The following CDK8 variants were observed in gnomAD, a reference collection of about 807,000 sequenced individuals.
CDK8 encodes cyclin dependent kinase 8.
In CDK8, 29 loss-of-function variants were observed where a neutral mutation model predicts 71.5. The ratio of observed to expected loss-of-function variants is 0.41; its 90% CI spans 0.30 to 0.55. CDK8 has a LOEUF of 0.55. Ranked by LOEUF, CDK8 falls within the 20% of genes least tolerant of loss-of-function variation. CDK8 has a pLI of 0.37. For missense variants in CDK8, 288 were observed against 572.6 expected (o/e 0.50, Z 5.07); for synonymous variants, 161 against 192.1 (o/e 0.84, Z 1.34).
chr13:26,305,131 T>G (rs1465593460), intron 1 of CDK8, among the ~76,000 whole-genome samples: 1 of 152,244 alleles, frequency 6.6e-6, no homozygotes, highest in Non-Finnish European at 1.5e-5. Flanking sequence ...AGAACACCCT[T>G]TAGTGTTTTG....
chr13:26,261,174 A>G (rs1040531268), intron 1 of CDK8, among the ~76,000 whole-genome samples: 1 of 152,150 alleles, frequency 6.6e-6, no homozygotes, highest in Non-Finnish European at 1.5e-5. Flanking sequence ...ATGATTCTGA[A>G]TATTCTTTAA....
chr13:26,340,068 T>G (rs975749882), intron 2 of CDK8, among the ~76,000 whole-genome samples: 5 of 152,028 alleles, frequency 3.3e-5, no homozygotes, highest in Admixed American at 2.6e-4. Flanking sequence ...ATTAATCAAG[T>G]TTAGGAAGTT....
chr13:26,336,843 C>T lies in CDK8; in HGVS notation c.129-724C>T, dbSNP rs928448342. Among the ~76,000 whole-genome samples the T allele has an allele frequency of 4.6e-5, 7 of 152,008 alleles. No individual in the cohort carries two copies. The East Asian group carries it at 7.7e-4, about 17-fold the overall frequency. On this transcript the variant is annotated intron_variant, in intron 1 of 12. Transcript: ENST00000381527. The stretch of plus-strand genomic sequence containing the variant: ...TGCTGGGATTACAGGCGTGAGCCAC[C>T]GCGCCCGGCCTCTGAGGAGTCTTTG...
chr13:26,308,982 A>G (rs1400140103), intron 1 of CDK8, among the ~76,000 whole-genome samples: 1 of 152,230 alleles, frequency 6.6e-6, no homozygotes, highest in African/African-American at 2.4e-5. Flanking sequence ...TTGTTAAACT[A>G]TAAAGTGGGG....
chr13:26,353,850 G>T lies in CDK8; in HGVS notation c.426G>T (p.Leu142=), dbSNP rs756448805. Residue 142 remains leucine, a synonymous_variant, in exon 4 of 13, where the codon CTG becomes CTT. Transcript: ENST00000381527. ...AGATCCTAGATGGTATTCACTACCT[G>T]CATGCTAACTGGGTGTTGCACAGAG... ...LYQILDGIHY[L]HANWVLHRDL... is the part of the protein sequence containing the mutation. 6.2e-7 allele frequency: 1 copy of T among 1,613,354 alleles called. No individual in the cohort carries two copies. Among genetic ancestry groups the T allele is most frequent in the Non-Finnish European group, 8.5e-7 (1 of 1,179,414 alleles).
intron 9 of CDK8, among the ~76,000 whole-genome samples, chr13:26,397,784 A>T (rs551000883): frequency 2.2e-4 from 33 of 152,146 alleles, no homozygotes; most frequent in African/African-American, 7.7e-4. Flanking sequence ...TCCGTGCACT[A>T]ACAAGGTAAT....
intron 1 of CDK8, among the ~76,000 whole-genome samples, chr13:26,313,235 T>C (rs187204246): frequency 1.9e-3 from 296 of 152,254 alleles, no homozygotes; most frequent in African/African-American, 6.8e-3. Context: ...ACTTAGCACA[T>C]TATAGATGTG....
intron 3 of CDK8, among the ~76,000 whole-genome samples, chr13:26,350,361 G>C (rs1259151311): frequency 1.3e-5 from 2 of 152,166 alleles, no homozygotes; most frequent in Non-Finnish European, 2.9e-5. Flanking sequence ...TAGGCCAAGT[G>C]TAGTGGGTCA....
intron 1 of CDK8, among the ~76,000 whole-genome samples, chr13:26,314,147 C>T (rs1210227618): frequency 6.6e-6 from 1 of 152,168 alleles, no homozygotes; most frequent in South Asian, 2.1e-4. Flanking sequence ...TCTATCATGC[C>T]GTGGATGGCC....
At chr13:26,334,155 A>G (rs1872880877) in intron 1 of CDK8, among the ~76,000 whole-genome samples, 1 of 152,174 alleles carries the variant, frequency 6.6e-6, no homozygotes. Flanking sequence ...GACTGATTGA[A>G]TATTAGAATT....
chr13:26,275,873 CT>C (rs376193926), intron 1 of CDK8, among the ~76,000 whole-genome samples: 51 of 149,732 alleles, frequency 3.4e-4, no homozygotes, highest in African/African-American at 1.0e-3. Context: ...TTGGCTCTAA[CT>C]TTTTTTTTTG....
chr13:26,318,656 A>G (rs899851782), intron 1 of CDK8, among the ~76,000 whole-genome samples: 5 of 152,242 alleles, frequency 3.3e-5, no homozygotes, highest in African/African-American at 1.2e-4. Flanking sequence ...GTGGTTCAAC[A>G]TGTGAAAATA....
At chr13:26,378,240 A>G (rs553818744) in intron 4 of CDK8, among the ~76,000 whole-genome samples, 2 of 152,280 alleles carry the variant, frequency 1.3e-5, no homozygotes, top group South Asian at 4.2e-4. Context: ...AGCTTTTTGA[A>G]TTCTTTATTT....
In CDK8 at chr13:26,273,666, T is replaced by A. The variant is rs564980251; in HGVS notation, c.128+18897T>A. Among the ~76,000 whole-genome samples the A allele has an allele frequency of 3.8e-3, 577 of 150,798 alleles. 2 individuals carry two copies. Among genetic ancestry groups the A allele is most frequent in the African/African-American group, 7.6e-3 (316 of 41,334 alleles). On this transcript the variant is annotated intron_variant, in intron 1 of 12. Coordinates refer to ENST00000381527, the MANE Select transcript of CDK8 (RefSeq NM_001260.3). ...TGTTATTTCCAGGTGCTTTAAAAAA[T>A]ATATATATATATAGTACTATTGGCT...
At position 26,385,266 on chromosome 13, in the gene CDK8, G is replaced by A. The variant is rs2138050309; in HGVS notation, c.570G>A (p.Leu190=). The A allele has an allele frequency of 6.2e-7, 1 of 1,612,882 alleles. No individual in the cohort carries two copies. The highest frequency in any genetic ancestry group is 8.5e-7 in the Non-Finnish European group (1 of 1,179,102). The part of the protein sequence containing the change: ...FNSPLKPLAD[L]DPVVVTFWYR... The stretch of plus-strand genomic sequence containing the variant: ...CACCTTTGAAGCCTTTAGCAGATTT[G>A]GATCCAGTGGTTGTTACATTCTGGT... The change falls in exon 6 of 13, where the codon TTG becomes TTA. Residue 190 remains leucine (L), a synonymous_variant. Transcript: ENST00000381527.
At chr13:26,319,500 A>G (rs894202218) in intron 1 of CDK8, among the ~76,000 whole-genome samples, 1 of 151,968 alleles carries the variant, frequency 6.6e-6, no homozygotes, top group Non-Finnish European at 1.5e-5. Context: ...ATACTTAGGA[A>G]TTAACCAAGA....
chr13:26,300,844 T>TG (rs1490827719), intron 1 of CDK8, among the ~76,000 whole-genome samples: 1 of 152,202 alleles, frequency 6.6e-6, no homozygotes, highest in Non-Finnish European at 1.5e-5. Context: ...CACAGGTTTG[T>TG]AAGTGTGAAA....
intron 1 of CDK8, among the ~76,000 whole-genome samples, chr13:26,319,313 C>CA (rs1337611859): frequency 2.6e-5 from 4 of 151,666 alleles, no homozygotes; most frequent in Admixed American, 6.6e-5. Context: ...ACTAAAAATA[C>CA]AAAAAAACAG....
chr13:26,336,982 A>T (rs541360566), intron 1 of CDK8, among the ~76,000 whole-genome samples: 71 of 151,492 alleles, frequency 4.7e-4, no homozygotes, highest in Non-Finnish European at 8.8e-4. Flanking sequence ...GCCGGTAGAC[A>T]CAGAAAACTC....
Sources: allele counts gnomAD v4.1 joint callset (sites outside exome capture counted in the v4.1 genomes callset), GRCh38; gene constraint gnomAD v4.1.1; transcripts MANE v1.5; gene names NCBI Gene and HGNC (gene_info 2026-07-23, HGNC 2026-07-21).